The following VASH1 variants were observed in gnomAD, a reference collection of about 807,000 sequenced individuals.
VASH1 encodes tubulinyl-Tyr carboxypeptidase 1.
A neutral mutation model predicts 35.0 loss-of-function variants in VASH1; 16 were observed. The ratio of observed to expected loss-of-function variants is 0.46; its 90% CI spans 0.31 to 0.70. VASH1 has a LOEUF of 0.70. Ranked by LOEUF, VASH1 falls within the 30% of genes least tolerant of loss-of-function variation. VASH1 has a pLI of 0.05. For missense variants in VASH1, 505 were observed against 510.7 expected (o/e 0.99, Z 0.11); for synonymous variants, 214 against 200.9 (o/e 1.07, Z -0.55).
chr14:76,775,737 C>G (rs1422535163), intron 4 of VASH1, among the ~76,000 whole-genome samples, 155 bp from the exon 5 acceptor site: 1 of 152,184 alleles, frequency 6.6e-6, no homozygotes, highest in East Asian at 1.9e-4. Flanking sequence ...GGCAGGAATA[C>G]CAGGAGGAGA....
Position 76,779,685 on chromosome 14 carries a change from A to G in VASH1, c.*667A>G, listed in dbSNP as rs566137848. On this transcript the variant is annotated 3_prime_UTR_variant, in exon 7 of 7. Transcript: ENST00000167106. ...GCTGTGTGGGCAGAGGAGGGGTGAT[A>G]TGAGAGCGAGCCCAGGGAAGGACCT... is the stretch of plus-strand genomic sequence containing the variant. 3.9e-5 allele frequency: 23 copies of G among 596,028 alleles called. 1 individual carries two copies. In the South Asian group the frequency reaches 4.5e-4, roughly 12 times the overall value. 36.9% of individuals were successfully genotyped at this position (596,028 alleles called of 1,614,324 possible).
At chr14:76,778,175 T>A in intron 6 of VASH1, 104 bp downstream of exon 6, 1 of 849,740 alleles carries the variant, frequency 1.2e-6, no homozygotes, top group Non-Finnish European at 1.7e-6. Flanking sequence ...CCCTTCTCTC[T>A]TTTTCGCTCC....
intron 4 of VASH1, chr14:76,774,364 C>T (rs966105577): frequency 4.6e-5 from 7 of 152,292 alleles, no homozygotes; most frequent in Admixed American, 3.3e-4. Flanking sequence ...TGAGGCCACC[C>T]GAGAAATTCA....
At chr14:76,772,928 C>A (rs576247328) in intron 3 of VASH1, among the ~76,000 whole-genome samples, 4 of 152,336 alleles carry the variant, frequency 2.6e-5, no homozygotes, top group Non-Finnish European at 4.4e-5. Flanking sequence ...TCCTTCCTAT[C>A]AGCAGTGGCC....
In VASH1 at chr14:76,781,563, G is replaced by C. The variant is rs1366458257; in HGVS notation, c.*2545G>C. 6.6e-6 allele frequency: 1 copy of C among 152,114 alleles called. No homozygotes were observed. The highest frequency in any genetic ancestry group is 2.4e-5 in the African/African-American group (1 of 41,378). The allele number at this position is 152,114 out of a possible 1,614,324, so 9.4% of individuals were successfully genotyped here. On this transcript the variant is annotated 3_prime_UTR_variant, in exon 7 of 7. Transcript: ENST00000167106. The stretch of plus-strand genomic sequence containing the variant: ...GCTCCTGGTTCTGGAGTCTTAGGAG[G>C]TTCCAACTTGCAGGATCCTTTCCCA...
chr14:76,776,400 G>C (rs1184798522), intron 5 of VASH1, 127 bp downstream of exon 5: 1 of 1,292,502 alleles, frequency 7.7e-7, no homozygotes, highest in Non-Finnish European at 1.0e-6. Flanking sequence ...TTGCTTAGTG[G>C]TCGATATTGT....
intron 4 of VASH1, chr14:76,774,904 G>A (rs577633434): frequency 1.3e-5 from 2 of 152,410 alleles, no homozygotes; most frequent in African/African-American, 4.8e-5. Flanking sequence ...CTGAGCCTGG[G>A]AGTCCTCCTC....
intron 1 of VASH1, among the ~76,000 whole-genome samples, chr14:76,768,402 G>T (rs1893699662): frequency 6.6e-6 from 1 of 152,216 alleles, no homozygotes; most frequent in Non-Finnish European, 1.5e-5. Flanking sequence ...AGGGCAGCCA[G>T]TGCGGTTGCT....
At chr14:76,778,190 C>A in intron 6 of VASH1, 119 bp downstream of exon 6, 1 of 728,012 alleles carries the variant, frequency 1.4e-6, no homozygotes. Flanking sequence ...CGCTCCCACC[C>A]AAGGGAGGTG....
chr14:76,769,803 C>G (rs1893741274), intron 1 of VASH1, 160 bp from the exon 2 acceptor site: 1 of 758,280 alleles, frequency 1.3e-6, no homozygotes, highest in South Asian at 1.6e-5. Flanking sequence ...CAAGAGTCTT[C>G]GAATGAGTGG....
chr14:76,771,163 T>C (rs1893785145), intron 2 of VASH1, 27 bp from the exon 3 acceptor site: 1 of 1,548,350 alleles, frequency 6.5e-7, no homozygotes, highest in Non-Finnish European at 8.7e-7. Flanking sequence ...CAGGCCAAGC[T>C]AGGAAGCCCT....
chr14:76,771,589 G>A (rs1021021354), intron 3 of VASH1, among the ~76,000 whole-genome samples: 6 of 152,168 alleles, frequency 3.9e-5, no homozygotes, highest in Admixed American at 3.9e-4. Flanking sequence ...GTGAGAGGTG[G>A]ACCTTGCAGG....
Position 76,779,279 on chromosome 14 carries a change from A to G in VASH1, c.*261A>G. On this transcript the variant is annotated 3_prime_UTR_variant, in exon 7 of 7. Transcript: ENST00000167106. Reference sequence around the variant, plus strand: ...AGTTTAAGGTATTTGGGGAAAACTTAGTCCAAATGGATCTGCTGATGGTGG... The same window carrying G: ...AGTTTAAGGTATTTGGGGAAAACTTGGTCCAAATGGATCTGCTGATGGTGG... 1.4e-6 allele frequency: 1 copy of G among 701,828 alleles called. No homozygotes were observed. Among genetic ancestry groups the G allele is most frequent in the South Asian group, 1.5e-5 (1 of 67,190 alleles). The allele number at this position is 701,828 out of a possible 1,614,324, so 43.5% of individuals were successfully genotyped here.
intron 2 of VASH1, among the ~76,000 whole-genome samples, chr14:76,770,859 C>G (rs1893775810): frequency 6.6e-6 from 1 of 152,236 alleles, no homozygotes; most frequent in Non-Finnish European, 1.5e-5. Context: ...CCTACCCTAG[C>G]CTCCTCTCAG....
chr14:76,778,199 T>G (rs1566688007), intron 6 of VASH1, 128 bp downstream of exon 6: 4 of 647,938 alleles, frequency 6.2e-6, no homozygotes, highest in Non-Finnish European at 7.0e-6. Context: ...CCAAGGGAGG[T>G]GACTTGGGAT....
intron 3 of VASH1, among the ~76,000 whole-genome samples, chr14:76,771,936 G>T (rs1477203164): frequency 1.3e-5 from 2 of 152,188 alleles, no homozygotes; most frequent in African/African-American, 4.8e-5. Flanking sequence ...TAAGACCCCT[G>T]GGCTTTAAAA....
chr14:76,771,390 G>A, intron 3 of VASH1, 144 bp downstream of exon 3: 1 of 642,626 alleles, frequency 1.6e-6, no homozygotes, highest in Non-Finnish European at 2.3e-6. Context: ...GTGCCACCCT[G>A]GGGCCTTATG....
At position 76,779,230 on chromosome 14, in the gene VASH1, T is replaced by A; in HGVS notation, c.*212T>A. The A allele has an allele frequency of 1.4e-6, 1 of 692,404 alleles. No homozygotes were observed. The highest frequency in any genetic ancestry group is 1.5e-5 in the South Asian group (1 of 64,870). The allele number at this position is 692,404 out of a possible 1,614,324, so 42.9% of individuals were successfully genotyped here. The stretch of plus-strand genomic sequence containing the variant: ...GCCTAGAGGCCGTTAGTATTTTATT[T>A]GGAGTTTTTAACTCTACAACTGAAG... On this transcript the variant is annotated 3_prime_UTR_variant, in exon 7 of 7. Coordinates refer to ENST00000167106, the MANE Select transcript of VASH1 (RefSeq NM_014909.5).
chr14:76,775,984 G>T lies in VASH1; in HGVS notation c.623G>T (p.Gly208Val). The T allele has an allele frequency of 6.2e-7, 1 of 1,612,664 alleles. No homozygotes were observed. Among genetic ancestry groups the T allele is most frequent in the Non-Finnish European group, 8.5e-7 (1 of 1,179,686 alleles). ...SGNYFRHIVL[G>V]VNFAGRYGAL... ...AACTACTTCCGCCACATCGTGCTGG[G>T]GGTGAACTTCGCGGGCCGCTACGGT... Residue 208 changes from glycine (G) to valine (V), a missense_variant, in exon 5 of 7, where the codon GGG (glycine) becomes GTG (valine). Transcript: ENST00000167106.
Sources: gnomAD v4.1 joint callset for allele counts (sites outside exome capture counted in the v4.1 genomes callset) on GRCh38, gnomAD v4.1.1 for gene constraint, MANE v1.5 for transcripts, NCBI Gene and HGNC (gene_info 2026-07-23, HGNC 2026-07-21) for gene names.